CDH4: variants seen among roughly 807,000 people sequenced by gnomAD.
The protein encoded by CDH4 is cadherin 4.
CDH4 carries 33 observed loss-of-function variants against 86.0 expected under a neutral mutation model. The observed-to-expected ratio is 0.38, with a 90% CI of 0.29 to 0.51. The LOEUF is 0.51. Ranked by LOEUF, CDH4 falls within the 20% of genes least tolerant of loss-of-function variation. The pLI, the probability that CDH4 is intolerant of heterozygous loss-of-function variation, is 0.86. For missense variants in CDH4, 1,114 were observed against 1,307.4 expected (o/e 0.85, Z 2.28); for synonymous variants, 555 against 549.4 (o/e 1.01, Z -0.14).
At chr20:61,690,605 G>A (rs1361737139) in intron 2 of CDH4, among the ~76,000 whole-genome samples, 3 of 152,086 alleles carry the variant, frequency 2.0e-5, no homozygotes, top group Admixed American at 6.5e-5. Flanking sequence ...GTTCCTGTTC[G>A]GAGTGCTCTG....
At chr20:61,385,593 C>T (rs182242007) in intron 2 of CDH4, among the ~76,000 whole-genome samples, 7 of 152,272 alleles carry the variant, frequency 4.6e-5, no homozygotes, top group Admixed American at 6.5e-5. Context: ...TATTGCCAAA[C>T]GCGTGACTAG....
At chr20:61,478,017 G>A (rs1199723879) in intron 2 of CDH4, among the ~76,000 whole-genome samples, 1 of 152,146 alleles carries the variant, frequency 6.6e-6, no homozygotes, top group Non-Finnish European at 1.5e-5. Context: ...CGGTAAGATG[G>A]GAGTCTGAAG....
chr20:61,845,542 G>T (rs1982409989), intron 5 of CDH4, among the ~76,000 whole-genome samples: 1 of 152,230 alleles, frequency 6.6e-6, no homozygotes, highest in African/African-American at 2.4e-5. Context: ...TCACGTGTAG[G>T]TGAAGGCCTC....
intron 3 of CDH4, among the ~76,000 whole-genome samples, chr20:61,770,234 G>A (rs1568805705): frequency 6.6e-6 from 1 of 152,194 alleles, no homozygotes; most frequent in Non-Finnish European, 1.5e-5. Context: ...TTCTAAGGAA[G>A]GCTGGGAGCG....
chr20:61,507,861 G>T (rs1048268506), intron 2 of CDH4, among the ~76,000 whole-genome samples: 1 of 152,148 alleles, frequency 6.6e-6, no homozygotes, highest in Non-Finnish European at 1.5e-5. Flanking sequence ...GAGGAAACAG[G>T]GCAGGATCGC....
At chr20:61,858,005 CTCTGTGTCTGTGTCTGCA>C (rs1983108028) in intron 6 of CDH4, among the ~76,000 whole-genome samples, 1 of 141,728 alleles carries the variant, frequency 7.1e-6, no homozygotes, top group South Asian at 2.3e-4. Context: ...CTCTGTGTGT[CTCTGTGTCTGTGTCTGCA>C]TCTGTGTGTG....
At chr20:61,569,941 G>A (rs944017950) in intron 2 of CDH4, among the ~76,000 whole-genome samples, 7 of 152,110 alleles carry the variant, frequency 4.6e-5, no homozygotes, top group Non-Finnish European at 7.3e-5. Context: ...GGCCTCATTC[G>A]AAAAGTACAA....
intron 2 of CDH4, among the ~76,000 whole-genome samples, chr20:61,502,776 C>T (rs2085713782): frequency 6.6e-6 from 1 of 152,164 alleles, no homozygotes; most frequent in East Asian, 1.9e-4. Context: ...TTACTCTTAC[C>T]AGAACTAGCT....
At chr20:61,555,333 G>T (rs1600754670) in intron 2 of CDH4, among the ~76,000 whole-genome samples, 1 of 152,194 alleles carries the variant, frequency 6.6e-6, no homozygotes, top group Non-Finnish European at 1.5e-5. Context: ...GGGCAGTGGG[G>T]CCTGCTGGCA....
At chr20:61,607,797 G>A (rs913658198) in intron 2 of CDH4, among the ~76,000 whole-genome samples, 2 of 152,206 alleles carry the variant, frequency 1.3e-5, no homozygotes, top group Non-Finnish European at 2.9e-5. Flanking sequence ...GGTTTCTGCA[G>A]GAATAGGAAG....
At chr20:61,351,136 G>A (rs922210506) in intron 2 of CDH4, among the ~76,000 whole-genome samples, 33 of 152,324 alleles carry the variant, frequency 2.2e-4, no homozygotes, top group African/African-American at 7.5e-4. Flanking sequence ...CAGATGCTGG[G>A]AAGGTCAGGT....
At chr20:61,906,324 T>C (rs374557230) in intron 8 of CDH4, among the ~76,000 whole-genome samples, 128 of 152,280 alleles carry the variant, frequency 8.4e-4, no homozygotes, top group African/African-American at 2.9e-3. Flanking sequence ...TGGGTGTCAA[T>C]AAAACTTTAT....
intron 2 of CDH4, among the ~76,000 whole-genome samples, chr20:61,344,511 G>A (rs1302319890): frequency 6.6e-6 from 1 of 152,180 alleles, no homozygotes; most frequent in Non-Finnish European, 1.5e-5. Context: ...TTGAAGTTGT[G>A]TCTGTTCTTT....
intron 6 of CDH4, among the ~76,000 whole-genome samples, chr20:61,870,947 CAA>C (rs1983777013): frequency 6.6e-6 from 1 of 152,112 alleles, no homozygotes; most frequent in South Asian, 2.1e-4. Flanking sequence ...CCTCACGAGG[CAA>C]AGTTATTTTT....
At chr20:61,815,875 T>C (rs1980689565) in intron 4 of CDH4, among the ~76,000 whole-genome samples, 1 of 152,224 alleles carries the variant, frequency 6.6e-6, no homozygotes, top group Non-Finnish European at 1.5e-5. Context: ...TTATCTGTCC[T>C]TGGTTATCCT....
intron 2 of CDH4, among the ~76,000 whole-genome samples, chr20:61,261,654 T>C (rs948233252): frequency 2.0e-5 from 3 of 152,120 alleles, no homozygotes; most frequent in Non-Finnish European, 4.4e-5. Context: ...CTCATTCCTA[T>C]CTCCAAATTA....
intron 7 of CDH4, among the ~76,000 whole-genome samples, chr20:61,875,672 G>T (rs1275887065): frequency 6.6e-6 from 1 of 152,192 alleles, no homozygotes; most frequent in Non-Finnish European, 1.5e-5. Flanking sequence ...AGGACTGCAG[G>T]ATCCGCTGAG....
chr20:61,539,716 C>G (rs368668304), intron 2 of CDH4, among the ~76,000 whole-genome samples: 1 of 152,338 alleles, frequency 6.6e-6, no homozygotes, highest in Admixed American at 6.5e-5. Context: ...CAAGCATTGG[C>G]TTGGGGCTCC....
At chr20:61,408,075 CT>C (rs34756795) in intron 2 of CDH4, among the ~76,000 whole-genome samples, 7 of 152,160 alleles carry the variant, frequency 4.6e-5, no homozygotes, top group Non-Finnish European at 2.9e-5. Context: ...ATCTTTTCAG[CT>C]TTTAGGAGCT....
Sources: gnomAD v4.1 joint callset for allele counts (sites outside exome capture counted in the v4.1 genomes callset) on GRCh38, gnomAD v4.1.1 for gene constraint, MANE v1.5 for transcripts, NCBI Gene and HGNC (gene_info 2026-07-23, HGNC 2026-07-21) for gene names.